The following PTGER4 variants were observed in gnomAD, a reference collection of about 807,000 sequenced individuals.
PTGER4 encodes the protein prostaglandin E receptor 4, also known as prostaglandin E2 receptor EP4 subtype.
A neutral mutation model predicts 33.2 loss-of-function variants in PTGER4; 11 were observed. The observed-to-expected ratio is 0.33, with a 90% confidence interval of 0.21 to 0.55. The LOEUF (loss-of-function observed/expected upper bound fraction) is 0.55, where lower values mean the gene tolerates loss of function less well. Among genes scored for constraint, PTGER4 ranks in the 20% least tolerant of loss-of-function variants. The pLI is 0.92. For missense variants in PTGER4, 481 were observed against 650.2 expected, an observed-to-expected ratio of 0.74 and a Z score of 2.83; for synonymous variants, 275 against 281.5, an observed-to-expected ratio of 0.98 and a Z score of 0.23.
In PTGER4 at chr5:40,681,435, G is replaced by T; in HGVS notation, c.442G>T (p.Val148Leu). Reference protein sequence around the residue: ...LTLFAVYASNVLFCALPNMGL... With the variant: ...LTLFAVYASNLLFCALPNMGL... ...GCTCTTTGCAGTCTATGCGTCCAACGTGCTCTTTTGCGCGCTGCCCAACAT... is the reference window on the plus strand; with the variant it reads ...GCTCTTTGCAGTCTATGCGTCCAACTTGCTCTTTTGCGCGCTGCCCAACAT... The change falls in exon 2 of 3, where the codon GTG (valine) becomes TTG (leucine). Residue 148 changes from valine to leucine, a missense_variant. Val to Leu is a conservative substitution (Grantham distance 32). This residue lies in a region of PTGER4 where 43 missense variants were observed against 39.4 expected (regional missense o/e 1.09). Coordinates refer to ENST00000302472, the MANE Select transcript of PTGER4 (RefSeq NM_000958.3). This position sits in a 1 kb window ranked among gnomAD's most constrained non-coding sequence, Gnocchi z 9.8. 6.2e-7 allele frequency: 1 copy of T among 1,613,846 alleles called. No homozygotes were observed. The highest frequency in any genetic ancestry group is 8.5e-7 in the Non-Finnish European group (1 of 1,180,020).
chr5:40,692,652 A>G lies in PTGER4; in HGVS notation c.*274A>G. 4 of 1,155,182 alleles carry G rather than the reference A, an allele frequency of 3.5e-6. No individual in the cohort carries two copies. In the South Asian group the frequency reaches 8.7e-5, roughly 25 times the overall value. 71.6% of individuals were successfully genotyped at this position (1,155,182 alleles called of 1,614,324 possible). The stretch of plus-strand genomic sequence containing the variant: ...GACCTACCCTCCGTTTTTCTACTAG[A>G]TAGGAGGATGGTAGAAGTTTGGCTG... On this transcript the variant is annotated 3_prime_UTR_variant, in exon 3 of 3. Coordinates refer to ENST00000302472, the MANE Select transcript of PTGER4 (RefSeq NM_000958.3).
chr5:40,734,717 C>A, the PTGER4 span, among the ~76,000 whole-genome samples: 1 of 152,124 alleles, frequency 6.6e-6, no homozygotes, highest in East Asian at 1.9e-4. Context: ...TTACTGGGCA[C>A]CTACCCTGGG....
At chr5:40,730,502 TCA>T in the PTGER4 span, among the ~76,000 whole-genome samples, 1 of 152,180 alleles carries the variant, frequency 6.6e-6, no homozygotes, top group Non-Finnish European at 1.5e-5. Flanking sequence ...TATAGTTCAT[TCA>T]CCTTTGTGTG....
chr5:40,728,788 T>C, the PTGER4 span, among the ~76,000 whole-genome samples: 1 of 152,248 alleles, frequency 6.6e-6, no homozygotes, highest in Non-Finnish European at 1.5e-5. Flanking sequence ...CTTCCATTTA[T>C]TCTATTTACA....
chr5:40,704,207 C>T, the PTGER4 span, among the ~76,000 whole-genome samples: 1 of 152,090 alleles, frequency 6.6e-6, no homozygotes, highest in Non-Finnish European at 1.5e-5. Flanking sequence ...AAACGTGATT[C>T]ATCACATACA....
chr5:40,736,748 T>C, the PTGER4 span, among the ~76,000 whole-genome samples: 1 of 152,168 alleles, frequency 6.6e-6, no homozygotes, highest in Non-Finnish European at 1.5e-5. Flanking sequence ...CAAAATTCTA[T>C]AAGATATGTA....
the PTGER4 span, among the ~76,000 whole-genome samples, chr5:40,731,690 G>A: frequency 2.0e-5 from 3 of 152,140 alleles, no homozygotes; most frequent in African/African-American, 4.8e-5. Flanking sequence ...CTTGACACGG[G>A]GATTATTACA....
chr5:40,692,645 C>G lies in PTGER4; in HGVS notation c.*267C>G, dbSNP rs1305285771. ...CTGCGAAGACCTACCCTCCGTTTTT[C>G]TACTAGATAGGAGGATGGTAGAAGT... On this transcript the variant is annotated 3_prime_UTR_variant, in exon 3 of 3. Coordinates refer to ENST00000302472, the MANE Select transcript of PTGER4 (RefSeq NM_000958.3). 10 of 1,174,530 alleles carry G rather than the reference C, an allele frequency of 8.5e-6. No homozygotes were observed. The highest frequency in any genetic ancestry group is 1.1e-5 in the Non-Finnish European group (10 of 947,748). The allele number at this position is 1,174,530 out of a possible 1,614,324, so 72.8% of individuals were successfully genotyped here.
chr5:40,745,745 T>C, the PTGER4 span, among the ~76,000 whole-genome samples: 1 of 151,232 alleles, frequency 6.6e-6, no homozygotes, highest in African/African-American at 2.4e-5. Context: ...ATTTATTTGT[T>C]TATTTATTTG....
chr5:40,691,893 A>G lies in PTGER4; in HGVS notation c.982A>G (p.Ile328Val), dbSNP rs560483394. Residue 328 changes from isoleucine to valine, a missense_variant, in exon 3 of 3, where the codon ATA (isoleucine) becomes GTA (valine). Transcript: ENST00000302472. The surrounding 1 kb of genome is among the most constrained non-coding windows in gnomAD (Gnocchi z 4.2). ...ASVNPILDPW[I>V]YILLRKTVLS... Reference sequence around the variant, plus strand: ...TGTGAACCCCATCCTAGACCCCTGGATATATATCCTCCTGAGAAAGACAGT... The same window carrying G: ...TGTGAACCCCATCCTAGACCCCTGGGTATATATCCTCCTGAGAAAGACAGT... The G allele has an allele frequency of 6.2e-7, 1 of 1,614,248 alleles. No individual in the cohort carries two copies. The highest frequency in any genetic ancestry group is 8.5e-7 in the Non-Finnish European group (1 of 1,180,044).
the PTGER4 span, among the ~76,000 whole-genome samples, chr5:40,698,915 T>C: frequency 6.6e-6 from 1 of 152,146 alleles, no homozygotes; most frequent in Non-Finnish European, 1.5e-5. Context: ...ACTAATGAAA[T>C]AATGGATCTA....
the PTGER4 span, among the ~76,000 whole-genome samples, chr5:40,701,551 TG>T: frequency 6.6e-6 from 1 of 152,210 alleles, no homozygotes; most frequent in African/African-American, 2.4e-5. Flanking sequence ...GCCAAATCTA[TG>T]AATCACTGGC....
the PTGER4 span, chr5:40,714,792 G>A: frequency 6.6e-6 from 1 of 152,194 alleles, no homozygotes; most frequent in Non-Finnish European, 1.5e-5. Context: ...CATAAAAAAT[G>A]TAGATCATTA....
intron 2 of PTGER4, among the ~76,000 whole-genome samples, chr5:40,690,597 T>TA (rs1464170962): frequency 6.6e-6 from 1 of 152,184 alleles, no homozygotes; most frequent in Non-Finnish European, 1.5e-5. Flanking sequence ...ATAGAGAAAA[T>TA]AAAAACTATT....
chr5:40,729,664 A>T, the PTGER4 span, among the ~76,000 whole-genome samples: 1 of 152,068 alleles, frequency 6.6e-6, no homozygotes, highest in Non-Finnish European at 1.5e-5. Context: ...TTTTTCATCT[A>T]AGAGCTCAAC....
chr5:40,718,733 GT>G, the PTGER4 span, among the ~76,000 whole-genome samples: 3 of 149,978 alleles, frequency 2.0e-5, no homozygotes, highest in Non-Finnish European at 3.0e-5. Context: ...GCAAGATTCC[GT>G]CTCGAAAAAA....
chr5:40,700,355 C>A, the PTGER4 span, among the ~76,000 whole-genome samples: 1 of 152,264 alleles, frequency 6.6e-6, no homozygotes, highest in Non-Finnish European at 1.5e-5. Context: ...GAGCCTCCAG[C>A]GGCAGCTGAA....
chr5:40,715,112 T>A, the PTGER4 span: 1 of 152,086 alleles, frequency 6.6e-6, no homozygotes, highest in Non-Finnish European at 1.5e-5. Context: ...AGTTATTTAT[T>A]CATTGGCACT....
the PTGER4 span, among the ~76,000 whole-genome samples, chr5:40,736,784 A>G: frequency 6.6e-6 from 1 of 152,170 alleles, no homozygotes; most frequent in Non-Finnish European, 1.5e-5. Context: ...TGAGGTAGAA[A>G]TTGACAAAAA....
Sources: allele counts gnomAD v4.1 joint callset (sites outside exome capture counted in the v4.1 genomes callset), GRCh38; gene constraint gnomAD v4.1.1; regional missense constraint gnomAD v4.1.1; non-coding constraint Gnocchi (gnomAD v3.1); transcripts MANE v1.5; gene names NCBI Gene and HGNC (gene_info 2026-07-23, HGNC 2026-07-21).